Variants in PLS1 observed in about 807,000 individuals in gnomAD.
PLS1 encodes the protein plastin 1, also known as plastin-1.
PLS1 carries 32 observed loss-of-function variants against 73.7 expected under a neutral mutation model. The ratio of observed to expected loss-of-function variants is 0.43; its 90% confidence interval spans 0.33 to 0.58. The LOEUF is 0.58. Among genes scored for constraint, PLS1 ranks in the 20% least tolerant of loss-of-function variants. PLS1 has a pLI of 0.04. For synonymous variants in PLS1, 217 were observed against 261.3 expected (o/e 0.83, Z 1.63); for missense variants, 633 against 740.5 (o/e 0.85, Z 1.68).
intron 1 of PLS1, among the ~76,000 whole-genome samples, chr3:142,624,103 AAT>A (rs1371586046): frequency 5.9e-5 from 9 of 152,040 alleles, no homozygotes; most frequent in Non-Finnish European, 1.0e-4. Flanking sequence ...AGTAATACAG[AAT>A]ATCTCCAGTA....
intron 1 of PLS1, among the ~76,000 whole-genome samples, chr3:142,600,916 A>ATATATATATTTT (rs1560024585): frequency 6.7e-5 from 1 of 14,844 alleles, no homozygotes; most frequent in African/African-American, 2.8e-4. Context: ...ATATATATAT[A>ATATATATATTTT]TTTTTTTTTT....
At chr3:142,685,448 G>C (rs1337723203) in intron 8 of PLS1, among the ~76,000 whole-genome samples, 2 of 152,086 alleles carry the variant, frequency 1.3e-5, no homozygotes, top group Non-Finnish European at 2.9e-5. Context: ...ATCTTGGCTG[G>C]GTGGTTCTTC....
chr3:142,621,118 T>C (rs2036307449), intron 1 of PLS1, among the ~76,000 whole-genome samples: 1 of 152,214 alleles, frequency 6.6e-6, no homozygotes, highest in Non-Finnish European at 1.5e-5. Context: ...TAGTTGTTAC[T>C]GAGATCAAAT....
chr3:142,678,338 T>A (rs946189348), intron 6 of PLS1, among the ~76,000 whole-genome samples: 2 of 150,994 alleles, frequency 1.3e-5, no homozygotes, highest in Non-Finnish European at 3.0e-5. Flanking sequence ...TAGTTACATA[T>A]GTATACATGT....
At chr3:142,669,708 G>A (rs1392724450) in intron 3 of PLS1, among the ~76,000 whole-genome samples, 155 bp downstream of exon 3, 1 of 152,028 alleles carries the variant, frequency 6.6e-6, no homozygotes, top group South Asian at 2.1e-4. Context: ...TATTATTATC[G>A]AAATAATTTC....
intron 1 of PLS1, among the ~76,000 whole-genome samples, chr3:142,630,826 G>A (rs2036541224): frequency 6.6e-6 from 1 of 151,986 alleles, no homozygotes; most frequent in Non-Finnish European, 1.5e-5. Context: ...AGAGTGTACA[G>A]TTCCTGCTTT....
intron 1 of PLS1, among the ~76,000 whole-genome samples, chr3:142,624,778 G>A (rs1402154463): frequency 6.6e-6 from 1 of 152,188 alleles, no homozygotes; most frequent in African/African-American, 2.4e-5. Flanking sequence ...CATGGAAAGT[G>A]AGTGCCCTGG....
At chr3:142,671,234 C>T (rs1423492664) in intron 4 of PLS1, 112 bp downstream of exon 4, 13 of 921,982 alleles carry the variant, frequency 1.4e-5, no homozygotes, top group Non-Finnish European at 2.2e-5. Flanking sequence ...ATTTTATGTG[C>T]CACTGAGGAG....
chr3:142,625,768 G>A (rs781167204), intron 1 of PLS1, among the ~76,000 whole-genome samples: 3 of 152,100 alleles, frequency 2.0e-5, no homozygotes, highest in Non-Finnish European at 4.4e-5. Flanking sequence ...GAGCCCAGGA[G>A]TTCAAAACCA....
At chr3:142,640,240 A>C (rs985127780) in intron 1 of PLS1, among the ~76,000 whole-genome samples, 1 of 152,224 alleles carries the variant, frequency 6.6e-6, no homozygotes, top group Non-Finnish European at 1.5e-5. Flanking sequence ...AGAAAAAATG[A>C]ACTAAGAAGA....
At chr3:142,603,036 T>C (rs1024305763) in intron 1 of PLS1, among the ~76,000 whole-genome samples, 1 of 152,220 alleles carries the variant, frequency 6.6e-6, no homozygotes, top group African/African-American at 2.4e-5. Context: ...AACATTTTAC[T>C]CTGGCTGATG....
In PLS1 at chr3:142,612,334, C is replaced by T. The variant is rs552749504; in HGVS notation, c.-37+15825C>T. 3.9e-5 allele frequency among the ~76,000 whole-genome samples: 6 copies of T among 152,232 alleles called. No individual in the cohort carries two copies. The South Asian group carries it at 1.2e-3, about 32-fold the overall frequency. On this transcript the variant is annotated intron_variant, in intron 1 of 15. Coordinates refer to ENST00000457734, the MANE Select transcript of PLS1 (RefSeq NM_001145319.2). ...TGGATTTACAGTGTAATGATGTGTC[C>T]AGTGCCAAAATTGTAATACAGGTAC...
At chr3:142,694,358 A>G (rs2038148846) in intron 10 of PLS1, 111 bp from the exon 11 acceptor site, 3 of 572,970 alleles carry the variant, frequency 5.2e-6, no homozygotes, top group Admixed American at 3.0e-5. Flanking sequence ...TAGTATCTAA[A>G]GAACCATGGC....
chr3:142,697,675 T>C (rs2038239517), intron 11 of PLS1, among the ~76,000 whole-genome samples: 1 of 152,202 alleles, frequency 6.6e-6, no homozygotes, highest in Non-Finnish European at 1.5e-5. Flanking sequence ...TATAGTTTAC[T>C]TAACAGCTCC....
chr3:142,606,091 C>G (rs2036012388), intron 1 of PLS1, among the ~76,000 whole-genome samples: 2 of 152,096 alleles, frequency 1.3e-5, no homozygotes, highest in East Asian at 3.9e-4. Context: ...TAACTGAATC[C>G]TGAAACATTG....
intron 14 of PLS1, among the ~76,000 whole-genome samples, chr3:142,709,916 T>C (rs1406373838): frequency 6.6e-6 from 1 of 152,104 alleles, no homozygotes; most frequent in African/African-American, 2.4e-5. Flanking sequence ...TTATTAGATA[T>C]TGATTAAGAA....
chr3:142,643,085 A>G (rs1489413155), intron 1 of PLS1, among the ~76,000 whole-genome samples: 1 of 152,200 alleles, frequency 6.6e-6, no homozygotes, highest in African/African-American at 2.4e-5. Flanking sequence ...GTTAAGGGCA[A>G]TGATGGGTGA....
At chr3:142,693,029 C>T (rs1358878555) in intron 10 of PLS1, among the ~76,000 whole-genome samples, 2 of 151,920 alleles carry the variant, frequency 1.3e-5, no homozygotes, top group Admixed American at 6.6e-5. Flanking sequence ...TTTAGTTTAG[C>T]TTGGTTATTC....
intron 14 of PLS1, among the ~76,000 whole-genome samples, chr3:142,708,681 T>C (rs1303396726): frequency 6.6e-6 from 1 of 152,282 alleles, no homozygotes; most frequent in African/African-American, 2.4e-5. Context: ...GAAATTCTTT[T>C]TGCCGAAGTC....
Sources: gnomAD v4.1 joint callset for allele counts (sites outside exome capture counted in the v4.1 genomes callset) on GRCh38, gnomAD v4.1.1 for gene constraint, MANE v1.5 for transcripts, NCBI Gene and HGNC (gene_info 2026-07-23, HGNC 2026-07-21) for gene names.